The following BMP6 variants were observed in gnomAD, a reference collection of about 807,000 sequenced individuals.
BMP6 encodes VG-1-R.
A neutral mutation model predicts 54.1 loss-of-function variants in BMP6; 17 were observed. That is an observed-to-expected ratio of 0.31 (90% CI 0.22 to 0.47). BMP6 has a LOEUF of 0.47. Among genes scored for constraint, BMP6 ranks in the 20% least tolerant of loss-of-function variants. The probability of loss-of-function intolerance (pLI) is 1.00; values close to 1 mark genes in which losing one functional copy is unlikely to be tolerated. For missense variants in BMP6, 720 were observed against 690.4 expected (o/e 1.04, Z -0.48); for synonymous variants, 328 against 291.2 (o/e 1.13, Z -1.28).
intron 1 of BMP6, among the ~76,000 whole-genome samples, chr6:7,780,090 C>G (rs1273920345): frequency 1.3e-5 from 2 of 152,230 alleles, no homozygotes; most frequent in Non-Finnish European, 2.9e-5. Context: ...TATTTCCGTG[C>G]TTCCCTCACT....
intron 1 of BMP6, among the ~76,000 whole-genome samples, chr6:7,736,276 C>T (rs1761954426): frequency 6.6e-6 from 1 of 152,140 alleles, no homozygotes; most frequent in Non-Finnish European, 1.5e-5. Flanking sequence ...CTGTTTGATC[C>T]ATGCTAGGCA....
intron 1 of BMP6, among the ~76,000 whole-genome samples, chr6:7,744,987 A>G (rs972929835): frequency 5.3e-5 from 8 of 152,218 alleles, no homozygotes. Context: ...GTCAATCTCC[A>G]GTGCCTTCAG....
At chr6:7,730,831 G>A (rs947753560) in intron 1 of BMP6, among the ~76,000 whole-genome samples, 3 of 152,186 alleles carry the variant, frequency 2.0e-5, no homozygotes, top group Non-Finnish European at 4.4e-5. Flanking sequence ...AGATAAACAT[G>A]ACAGCGCTGC....
chr6:7,877,081 G>A (rs1759632982), intron 4 of BMP6, among the ~76,000 whole-genome samples: 1 of 151,980 alleles, frequency 6.6e-6, no homozygotes, highest in South Asian at 2.1e-4. Flanking sequence ...TCAGTAGGAA[G>A]TTTCTGTCTT....
chr6:7,840,244 A>G (rs1455696763), intron 1 of BMP6, among the ~76,000 whole-genome samples: 1 of 152,242 alleles, frequency 6.6e-6, no homozygotes, highest in Non-Finnish European at 1.5e-5. Context: ...TGATACACAC[A>G]TGCAGTAGAA....
rs564547873 is a variant in BMP6, at chr6:7,748,538, T to G, written c.664+20919T>G. Among the ~76,000 whole-genome samples, 12 of 152,308 alleles carry G rather than the reference T, an allele frequency of 7.9e-5. No individual in the cohort carries two copies. In the East Asian group the frequency reaches 2.1e-3, roughly 27 times the overall value. On this transcript the variant is annotated intron_variant, in intron 1 of 6. Coordinates refer to ENST00000283147, the MANE Select transcript of BMP6 (RefSeq NM_001718.6). ...CTGGCACTTGAGCAGCTCATGCTTA[T>G]GAGAGAAACCTACGAGGCTGAAGCA...
chr6:7,869,516 C>T (rs1245484776), intron 4 of BMP6, among the ~76,000 whole-genome samples: 1 of 152,198 alleles, frequency 6.6e-6, no homozygotes, highest in East Asian at 1.9e-4. Flanking sequence ...GAAGTCCCAG[C>T]CCAGCTAGCC....
intron 1 of BMP6, among the ~76,000 whole-genome samples, chr6:7,840,423 C>T (rs1001974254): frequency 2.0e-5 from 3 of 152,076 alleles, no homozygotes; most frequent in African/African-American, 7.2e-5. Context: ...TGCTTCATTA[C>T]CTCCGTAAAT....
intron 4 of BMP6, among the ~76,000 whole-genome samples, chr6:7,865,128 G>A (rs1281660708): frequency 6.6e-6 from 1 of 152,136 alleles, no homozygotes; most frequent in Non-Finnish European, 1.5e-5. Flanking sequence ...TGTTGTGTCT[G>A]ATTTTGATTT....
intron 1 of BMP6, among the ~76,000 whole-genome samples, chr6:7,769,232 TC>T (rs1757745548): frequency 6.6e-6 from 1 of 152,190 alleles, no homozygotes; most frequent in Non-Finnish European, 1.5e-5. Flanking sequence ...ACTACACCGA[TC>T]AGCTCTTCAG....
intron 4 of BMP6, among the ~76,000 whole-genome samples, chr6:7,871,887 C>T (rs1261564239): frequency 1.3e-5 from 2 of 152,088 alleles, no homozygotes; most frequent in Non-Finnish European, 2.9e-5. Flanking sequence ...GTGGCTCTGA[C>T]TCATGGGTCT....
intron 1 of BMP6, among the ~76,000 whole-genome samples, chr6:7,813,611 C>T (rs1758474431): frequency 7.2e-6 from 1 of 139,452 alleles, no homozygotes; most frequent in East Asian, 2.1e-4. Context: ...CCACTGCGCT[C>T]CAGCCAGGGT....
intron 2 of BMP6, among the ~76,000 whole-genome samples, chr6:7,859,048 C>A (rs527442553): frequency 1.3e-5 from 2 of 152,256 alleles, no homozygotes; most frequent in African/African-American, 4.8e-5. Context: ...ATCCACGAAT[C>A]TGCACTGACC....
chr6:7,749,186 T>G (rs1757387581), intron 1 of BMP6, among the ~76,000 whole-genome samples: 1 of 152,230 alleles, frequency 6.6e-6, no homozygotes, highest in African/African-American at 2.4e-5. Context: ...CCAATATGAT[T>G]TGCAGAGTAT....
At chr6:7,847,255 A>C (rs901758169) in intron 2 of BMP6, among the ~76,000 whole-genome samples, 1 of 152,180 alleles carries the variant, frequency 6.6e-6, no homozygotes, top group African/African-American at 2.4e-5. Flanking sequence ...TGGCACCTGC[A>C]TGTGTTTCGT....
chr6:7,833,652 A>G (rs1758825719), intron 1 of BMP6, among the ~76,000 whole-genome samples: 2 of 152,240 alleles, frequency 1.3e-5, no homozygotes, highest in African/African-American at 2.4e-5. Context: ...TTTTGGCCTC[A>G]GATTCCTGTT....
intron 1 of BMP6, among the ~76,000 whole-genome samples, chr6:7,844,575 C>T (rs1400110795): frequency 6.6e-6 from 1 of 152,186 alleles, no homozygotes; most frequent in Admixed American, 6.5e-5. Flanking sequence ...ACCCTTTACA[C>T]TTCAGGCCCA....
intron 1 of BMP6, among the ~76,000 whole-genome samples, chr6:7,728,365 G>A (rs1761786555): frequency 6.6e-6 from 1 of 152,238 alleles, no homozygotes; most frequent in Non-Finnish European, 1.5e-5. Context: ...GGCAGAGAAA[G>A]GGTGCGGGGT....
chr6:7,856,022 C>T (rs908807122), intron 2 of BMP6, among the ~76,000 whole-genome samples: 1 of 145,222 alleles, frequency 6.9e-6, no homozygotes, highest in South Asian at 2.2e-4. Flanking sequence ...TTTTTAAAGA[C>T]GAAATAGCCC....
Sources: allele counts gnomAD v4.1 joint callset (sites outside exome capture counted in the v4.1 genomes callset), GRCh38; gene constraint gnomAD v4.1.1; transcripts MANE v1.5; gene names NCBI Gene and HGNC (gene_info 2026-07-23, HGNC 2026-07-21).